Variants in DLGAP1 observed in about 807,000 individuals in gnomAD.
The protein encoded by DLGAP1 is disks large-associated protein 1.
Under a neutral mutation model 90.8 loss-of-function variants are expected in DLGAP1, and 11 were observed. That is an observed-to-expected ratio of 0.12 (90% CI 0.08 to 0.20). DLGAP1 has a LOEUF of 0.20. Among genes scored for constraint, DLGAP1 ranks in the 10% least tolerant of loss-of-function variants. DLGAP1 has a pLI of 1.00. For synonymous variants in DLGAP1, 558 were observed against 540.7 expected (o/e 1.03, Z -0.44); for missense variants, 1,050 against 1,333.8 (o/e 0.79, Z 3.31).
chr18:4,045,406 T>C lies in DLGAP1; in HGVS notation c.-158-40205A>G, dbSNP rs1048016053. Among the ~76,000 whole-genome samples the C allele has an allele frequency of 4.6e-5, 5 of 108,402 alleles. No homozygotes were observed. The East Asian group carries it at 1.3e-3, about 29-fold the overall frequency. The allele number at this position is 108,402 out of a possible 152,430, so 71.1% of individuals were successfully genotyped here. Reference sequence around the variant, plus strand: ...TCTTGGAAATAGAGATCACAGCCTGTGTAACATAGAAAGACCCCATCTCTA... The same window carrying C: ...TCTTGGAAATAGAGATCACAGCCTGCGTAACATAGAAAGACCCCATCTCTA... On this transcript the variant is annotated intron_variant, in intron 2 of 12. Transcript: ENST00000315677.
At chr18:4,411,338 A>T (rs2144612493) in intron 1 of DLGAP1, among the ~76,000 whole-genome samples, 1 of 152,298 alleles carries the variant, frequency 6.6e-6, no homozygotes, top group Middle Eastern at 3.4e-3. Context: ...CAGTTATTAA[A>T]ACTTTTAATG....
intron 1 of DLGAP1, among the ~76,000 whole-genome samples, chr18:4,373,734 T>C (rs1350775772): frequency 6.6e-6 from 1 of 152,198 alleles, no homozygotes; most frequent in Non-Finnish European, 1.5e-5. Flanking sequence ...ATTTCTTTTC[T>C]TTAATTCGTC....
intron 1 of DLGAP1, among the ~76,000 whole-genome samples, chr18:4,412,005 T>TGTCAG (rs1352782007): frequency 2.0e-5 from 3 of 152,084 alleles, no homozygotes; most frequent in Non-Finnish European, 4.4e-5. Context: ...ATAGGGAGAA[T>TGTCAG]GTCAGGGGAG....
intron 2 of DLGAP1, among the ~76,000 whole-genome samples, chr18:4,115,748 G>A (rs573895545): frequency 6.6e-6 from 1 of 152,276 alleles, no homozygotes; most frequent in South Asian, 2.1e-4. Context: ...ACAGGCGTAA[G>A]CCACCGCGCC....
chr18:4,004,223 G>C lies in DLGAP1; in HGVS notation c.-73+893C>G, dbSNP rs2149081088. On this transcript the variant is annotated intron_variant, in intron 3 of 12. Coordinates refer to ENST00000315677, the MANE Select transcript of DLGAP1 (RefSeq NM_004746.4). Reference sequence around the variant, plus strand: ...TGATGTATCTTCCATTACTAATGAAGGATCATAGGAATTGAGGTAATTGAA... The same window carrying C: ...TGATGTATCTTCCATTACTAATGAACGATCATAGGAATTGAGGTAATTGAA... 2.0e-5 allele frequency among the ~76,000 whole-genome samples: 3 copies of C among 152,220 alleles called. No individual in the cohort carries two copies. The South Asian group carries it at 6.2e-4, about 32-fold the overall frequency.
Position 4,448,931 on chromosome 18 carries a change from TC to T in DLGAP1, c.-267+6074del, listed in dbSNP as rs200791111. On this transcript the variant is annotated intron_variant, in intron 1 of 12. Transcript: ENST00000315677. ...GCCTCCCACAACACTTTCCACCTCATCCCTGTGATCTGATTTATTCTTTGAG... is the reference window on the plus strand; with the variant it reads ...GCCTCCCACAACACTTTCCACCTCATCCTGTGATCTGATTTATTCTTTGAG... Among the ~76,000 whole-genome samples the T allele has an allele frequency of 5.1e-3, 772 of 152,268 alleles. 5 individuals are homozygous for T. The highest frequency in any genetic ancestry group is 6.8e-3 in the Middle Eastern group (2 of 294).
chr18:4,131,661 C>T (rs1276998620), intron 2 of DLGAP1, among the ~76,000 whole-genome samples: 3 of 152,098 alleles, frequency 2.0e-5, no homozygotes, highest in Admixed American at 6.6e-5. Context: ...AGAATCACTC[C>T]AAAATATCAA....
intron 5 of DLGAP1, chr18:3,774,325 TG>T (rs2064839813): frequency 6.6e-6 from 1 of 152,318 alleles, no homozygotes; most frequent in African/African-American, 2.4e-5. Flanking sequence ...GCAGGACTTG[TG>T]GTAACTGTGG....
At chr18:3,635,178 T>A (rs1157366090) in intron 7 of DLGAP1, among the ~76,000 whole-genome samples, 1 of 151,482 alleles carries the variant, frequency 6.6e-6, no homozygotes, top group Non-Finnish European at 1.5e-5. Flanking sequence ...TCACCCAGGC[T>A]GGAGTGCAGT....
intron 7 of DLGAP1, among the ~76,000 whole-genome samples, chr18:3,635,834 C>T (rs2058696411): frequency 6.6e-6 from 1 of 151,494 alleles, no homozygotes; most frequent in South Asian, 2.1e-4. Context: ...ATGACTTGGT[C>T]TTGACAGGCC....
At chr18:4,243,995 A>T (rs1030045138) in intron 1 of DLGAP1, among the ~76,000 whole-genome samples, 1 of 152,170 alleles carries the variant, frequency 6.6e-6, no homozygotes, top group African/African-American at 2.4e-5. Flanking sequence ...GTGTAACTTC[A>T]TCGATTATTA....
intron 3 of DLGAP1, among the ~76,000 whole-genome samples, chr18:3,884,967 A>G (rs140424923): frequency 2.0e-3 from 301 of 152,348 alleles, no homozygotes; most frequent in Non-Finnish European, 2.7e-3. Flanking sequence ...TCTGTAACAA[A>G]TCTTACACTC....
chr18:4,140,316 A>G (rs944650152), intron 2 of DLGAP1, among the ~76,000 whole-genome samples: 5 of 151,784 alleles, frequency 3.3e-5, no homozygotes, highest in Admixed American at 1.3e-4. Flanking sequence ...GAGGCTTGCA[A>G]ATATCTTGTA....
intron 1 of DLGAP1, among the ~76,000 whole-genome samples, chr18:4,406,989 T>C (rs532960737): frequency 1.3e-5 from 2 of 152,330 alleles, no homozygotes; most frequent in East Asian, 1.9e-4. Flanking sequence ...TTTATGATCA[T>C]TGGGAGCTTT....
At chr18:3,601,109 C>G (rs1399987799) in intron 7 of DLGAP1, among the ~76,000 whole-genome samples, 4 of 150,688 alleles carry the variant, frequency 2.7e-5, no homozygotes, top group African/African-American at 9.8e-5. Flanking sequence ...TTTTTTGAGA[C>G]AGAGTCTCAC....
chr18:4,286,265 G>T (rs2079688981), intron 1 of DLGAP1, among the ~76,000 whole-genome samples: 2 of 152,122 alleles, frequency 1.3e-5, no homozygotes, highest in Admixed American at 1.3e-4. Flanking sequence ...AAACAAACAT[G>T]AAACCAACCA....
chr18:3,951,926 C>A (rs972827303), intron 3 of DLGAP1, among the ~76,000 whole-genome samples: 1 of 152,204 alleles, frequency 6.6e-6, no homozygotes, highest in African/African-American at 2.4e-5. Flanking sequence ...TACCCAGTCT[C>A]GGGTAGTATC....
intron 4 of DLGAP1, chr18:3,874,434 C>G: frequency 7.0e-7 from 1 of 1,436,894 alleles, no homozygotes; most frequent in East Asian, 2.5e-5. Context: ...AATCTAAAAT[C>G]TTGCTCTTCT....
chr18:3,741,038 TCACCTCACCACCAC>T, intron 6 of DLGAP1, among the ~76,000 whole-genome samples: 1 of 30,232 alleles, frequency 3.3e-5, no homozygotes, highest in Non-Finnish European at 6.3e-5. Flanking sequence ...ACCACCACCA[TCACCTCACCACCAC>T]CACCATCACC....
Sources: allele counts gnomAD v4.1 joint callset (sites outside exome capture counted in the v4.1 genomes callset), GRCh38; gene constraint gnomAD v4.1.1; transcripts MANE v1.5; gene names NCBI Gene and HGNC (gene_info 2026-07-23, HGNC 2026-07-21).